Variants in CACNA1A observed in about 807,000 individuals in gnomAD.
CACNA1A encodes voltage-dependent P/Q-type calcium channel subunit alpha-1A.
A neutral mutation model predicts 262.4 loss-of-function variants in CACNA1A; 57 were observed. That is an observed-to-expected ratio of 0.22 (90% CI 0.18 to 0.27). The LOEUF (loss-of-function observed/expected upper bound fraction) is 0.27, where lower values mean the gene tolerates loss of function less well. Among genes scored for constraint, CACNA1A ranks in the 10% least tolerant of loss-of-function variants. CACNA1A has a pLI of 1.00. For missense variants in CACNA1A, 2,526 were observed against 3,562.8 expected, an observed-to-expected ratio of 0.71 and a Z score of 7.41; for synonymous variants, 1,431 against 1,419.3, an observed-to-expected ratio of 1.01 and a Z score of -0.18.
At chr19:13,407,213 T>A (rs1599384248) in intron 3 of CACNA1A, among the ~76,000 whole-genome samples, 1 of 152,210 alleles carries the variant, frequency 6.6e-6, no homozygotes, top group African/African-American at 2.4e-5. Flanking sequence ...ACAAAACGCG[T>A]AGACAGTACA....
intron 6 of CACNA1A, among the ~76,000 whole-genome samples, chr19:13,349,075 G>A (rs2058852774): frequency 6.6e-6 from 1 of 151,720 alleles, no homozygotes; most frequent in South Asian, 2.1e-4. Context: ...GAGAGAGACG[G>A]ATGAAGGGTG....
chr19:13,381,282 C>A (rs997900154), intron 3 of CACNA1A, among the ~76,000 whole-genome samples: 1 of 152,046 alleles, frequency 6.6e-6, no homozygotes, highest in Non-Finnish European at 1.5e-5. Context: ...CCTGTAATCC[C>A]AGCTACTCGG....
Position 13,402,834 on chromosome 19 carries a change from A to G in CACNA1A, c.540-31055T>C, listed in dbSNP as rs867223649. 4.1e-3 allele frequency among the ~76,000 whole-genome samples: 550 copies of G among 134,632 alleles called. 3 individuals carry two copies. Among genetic ancestry groups the G allele is most frequent in the African/African-American group, 0.014 (505 of 36,142 alleles). 88.3% of individuals were successfully genotyped at this position (134,632 alleles called of 152,430 possible). A position where few individuals can be genotyped will look rare whatever the true frequency, so the allele number is the denominator to read the frequency against. ...TATACATATATACACACATATATATACATATATATACACATATATATATAC... is the reference window on the plus strand; with the variant it reads ...TATACATATATACACACATATATATGCATATATATACACATATATATATAC... On this transcript the variant is annotated intron_variant, in intron 3 of 46. Coordinates refer to ENST00000360228, the MANE Select transcript of CACNA1A (RefSeq NM_001127222.2).
chr19:13,231,565 C>G (rs2055667680), intron 35 of CACNA1A, 145 bp downstream of exon 35: 5 of 806,886 alleles, frequency 6.2e-6, no homozygotes, highest in Non-Finnish European at 9.7e-6. Context: ...TTGAGACGCT[C>G]AGGGTCACCT....
In CACNA1A at chr19:13,252,974, C is replaced by A; in HGVS notation, c.4866+17G>T. 6.5e-7 allele frequency: 1 copy of A among 1,531,008 alleles called. No homozygotes were observed. Among genetic ancestry groups the A allele is most frequent in the Non-Finnish European group, 9.1e-7 (1 of 1,104,684 alleles). 94.8% of individuals were successfully genotyped at this position (1,531,008 alleles called of 1,614,324 possible). On this transcript the variant is annotated intron_variant, in intron 30 of 46. Transcript: ENST00000360228. ...CTTCTCCCAAGCCCATAGCTGTAGC[C>A]CCAAGGTGGTACTTACCAGAATCCC... is the stretch of plus-strand genomic sequence containing the variant.
At chr19:13,389,304 G>A (rs751632825) in intron 3 of CACNA1A, among the ~76,000 whole-genome samples, 1 of 152,106 alleles carries the variant, frequency 6.6e-6, no homozygotes, top group Non-Finnish European at 1.5e-5. Flanking sequence ...GTCACATGCC[G>A]CCTCCTGGTC....
At position 13,317,277 on chromosome 19, in the gene CACNA1A, T is replaced by C; in HGVS notation, c.1390A>G (p.Asn464Asp). 6.2e-7 allele frequency: 1 copy of C among 1,612,436 alleles called. No individual in the cohort carries two copies. Among genetic ancestry groups the C allele is most frequent in the South Asian group, 1.1e-5 (1 of 91,034 alleles). Residue 464 changes from asparagine (N) to aspartate (D), a missense_variant, in exon 11 of 47, where the codon AAC becomes GAC. Physicochemically the swap from Asn to Asp is conservative, Grantham distance 23. Transcript: ENST00000360228. ...RASIKSAKLE[N>D]STFFHKKERR... Reference sequence around the variant, plus strand: ...TCCTTTTTGTGAAAAAAGGTCGAGTTCTCCAGCTTGGCACTTTTAATGCTG... The same window carrying C: ...TCCTTTTTGTGAAAAAAGGTCGAGTCCTCCAGCTTGGCACTTTTAATGCTG...
chr19:13,393,417 C>G (rs1269847027), intron 3 of CACNA1A, among the ~76,000 whole-genome samples: 1 of 152,158 alleles, frequency 6.6e-6, no homozygotes, highest in Non-Finnish European at 1.5e-5. Context: ...CTAATCTAGA[C>G]TGTTTGAAGT....
intron 1 of CACNA1A, 32 bp downstream of exon 1, chr19:13,505,900 C>T (rs1462279047): frequency 6.2e-7 from 1 of 1,600,758 alleles, no homozygotes; most frequent in East Asian, 2.3e-5. Flanking sequence ...GGGGGAGGCG[C>T]AGCTGCTGCT....
At chr19:13,360,024 GT>G (rs200920495) in intron 5 of CACNA1A, among the ~76,000 whole-genome samples, 382 of 140,464 alleles carry the variant, frequency 2.7e-3, no homozygotes, top group Middle Eastern at 0.015. Context: ...TTTTCCATGA[GT>G]TTTTTTTTTT....
chr19:13,259,955 G>A, intron 26 of CACNA1A: 1 of 438,622 alleles, frequency 2.3e-6, no homozygotes, highest in East Asian at 4.3e-5. Flanking sequence ...CCAGGGTCCA[G>A]CACCCTCTTC....
At chr19:13,325,353 C>T (rs549135725) in intron 10 of CACNA1A, among the ~76,000 whole-genome samples, 5 of 152,180 alleles carry the variant, frequency 3.3e-5, no homozygotes, top group African/African-American at 1.2e-4. Context: ...TAGCTGGGCA[C>T]TGTGGCATGC....
intron 3 of CACNA1A, among the ~76,000 whole-genome samples, chr19:13,437,214 G>C (rs2060627398): frequency 6.6e-6 from 1 of 152,192 alleles, no homozygotes; most frequent in South Asian, 2.1e-4. Flanking sequence ...CAGTGGGGCA[G>C]AGCTGTGTCC....
intron 3 of CACNA1A, among the ~76,000 whole-genome samples, chr19:13,379,360 C>T (rs542674704): frequency 1.3e-5 from 2 of 152,126 alleles, no homozygotes; most frequent in East Asian, 3.9e-4. Flanking sequence ...GTAAGCATAA[C>T]TTTTATGTGC....
intron 1 of CACNA1A, among the ~76,000 whole-genome samples, chr19:13,480,376 T>A (rs900760084): frequency 3.9e-5 from 6 of 152,222 alleles, no homozygotes; most frequent in African/African-American, 1.4e-4. Context: ...CTTATGATTT[T>A]CTTAAAATAA....
chr19:13,231,528 C>T (rs1175418945), intron 35 of CACNA1A, among the ~76,000 whole-genome samples, 182 bp downstream of exon 35: 1 of 151,988 alleles, frequency 6.6e-6, no homozygotes, highest in Non-Finnish European at 1.5e-5. Context: ...AAGAATCAGC[C>T]ACCCCCAAAT....
At chr19:13,252,322 C>T (rs1482874360) in intron 30 of CACNA1A, among the ~76,000 whole-genome samples, 1 of 152,070 alleles carries the variant, frequency 6.6e-6, no homozygotes, top group African/African-American at 2.4e-5. Flanking sequence ...GATCCTCCTG[C>T]CTTGGCCTCC....
At chr19:13,229,064 G>C (rs1008913564) in intron 36 of CACNA1A, 15 of 84,674 alleles carry the variant, frequency 1.8e-4, no homozygotes, top group African/African-American at 1.3e-3. Flanking sequence ...TACAGGGGTG[G>C]GGGGGGGCTT....
chr19:13,488,390 C>CTTTTTTTTTTTTTTT (rs34348281), intron 1 of CACNA1A, among the ~76,000 whole-genome samples: 4 of 77,634 alleles, frequency 5.2e-5, no homozygotes, highest in African/African-American at 1.8e-4. Context: ...TTTTTCTTTT[C>CTTTTTTTTTTTTTTT]TTTTTTTTTT....
Sources: allele counts gnomAD v4.1 joint callset (sites outside exome capture counted in the v4.1 genomes callset), GRCh38; gene constraint gnomAD v4.1.1; transcripts MANE v1.5; gene names NCBI Gene and HGNC (gene_info 2026-07-23, HGNC 2026-07-21).